Variants in DGKH observed in about 807,000 individuals in gnomAD.
DGKH encodes the protein diacylglycerol kinase eta.
A neutral mutation model predicts 159.3 loss-of-function variants in DGKH; 90 were observed. The observed-to-expected ratio is 0.57, with a 90% CI of 0.48 to 0.67. The LOEUF is 0.67. DGKH is among the 30% of genes least tolerant of loss of function. The pLI is 0.00. For missense variants in DGKH, 1,181 were observed against 1,506.1 expected (o/e 0.78, Z 3.57); for synonymous variants, 536 against 553.8 (o/e 0.97, Z 0.45).
intron 3 of DGKH, among the ~76,000 whole-genome samples, chr13:42,130,165 A>G (rs1322547058): frequency 6.6e-6 from 1 of 152,062 alleles, no homozygotes; most frequent in African/African-American, 2.4e-5. Context: ...GCATCCCCCA[A>G]CTCAGTCTTC....
At chr13:42,055,932 T>G (rs1881725079) in intron 1 of DGKH, among the ~76,000 whole-genome samples, 1 of 152,156 alleles carries the variant, frequency 6.6e-6, no homozygotes, top group Admixed American at 6.6e-5. Context: ...GTAAGGTTGC[T>G]TAATGCCAAG....
chr13:42,107,103 T>G (rs1319235979), intron 1 of DGKH, among the ~76,000 whole-genome samples: 1 of 152,228 alleles, frequency 6.6e-6, no homozygotes, highest in Admixed American at 6.5e-5. Flanking sequence ...TCTATTGCAA[T>G]TTACAAATAT....
chr13:42,165,197 C>T (rs1346868518), intron 7 of DGKH, 134 bp from the exon 8 acceptor site: 2 of 458,382 alleles, frequency 4.4e-6, no homozygotes, highest in South Asian at 1.1e-4. Flanking sequence ...AAATGTTATA[C>T]CATTTAAAGT....
intron 30 of DGKH, chr13:42,256,072 C>G: frequency 7.7e-7 from 1 of 1,296,234 alleles, no homozygotes; most frequent in Non-Finnish European, 1.1e-6. Flanking sequence ...GAGAACTGAT[C>G]TTGCCTGAAA....
chr13:42,253,248 A>T (rs1397477307), intron 30 of DGKH, among the ~76,000 whole-genome samples: 1 of 152,092 alleles, frequency 6.6e-6, no homozygotes, highest in East Asian at 1.9e-4. Context: ...TTAGGTCATG[A>T]GAATGGAGTC....
chr13:42,095,635 G>A (rs1430103015), intron 1 of DGKH, among the ~76,000 whole-genome samples: 1 of 152,012 alleles, frequency 6.6e-6, no homozygotes, highest in Non-Finnish European at 1.5e-5. Context: ...AAAAGCAAAG[G>A]AAACTCGTTC....
At chr13:42,218,421 T>A (rs1029999401) in intron 26 of DGKH, among the ~76,000 whole-genome samples, 28 of 152,062 alleles carry the variant, frequency 1.8e-4, no homozygotes, top group African/African-American at 6.8e-4. Flanking sequence ...TTCTTTAAAT[T>A]TTCAAGGAGA....
chr13:42,126,172 T>C (rs1232089092), intron 1 of DGKH, among the ~76,000 whole-genome samples: 1 of 152,202 alleles, frequency 6.6e-6, no homozygotes, highest in Non-Finnish European at 1.5e-5. Context: ...TTTTTAGATA[T>C]AATAAACTCA....
chr13:42,189,242 G>A lies in DGKH; in HGVS notation c.1845G>A (p.Arg615=), dbSNP rs751144260. Residue 615 remains arginine (R), a synonymous_variant, in exon 15 of 30, where the codon AGG becomes AGA. Transcript: ENST00000337343. ...CCTCCCAGAAAGCCGTCAAACCAAG[G>A]GAAATCATGTTGCGGGCAAATAGTT... The part of the protein sequence containing the change: ...KPSSQKAVKP[R]EIMLRANSLK... 6.2e-7 allele frequency: 1 copy of A among 1,614,108 alleles called. No homozygotes were observed. Among genetic ancestry groups the A allele is most frequent in the Non-Finnish European group, 8.5e-7 (1 of 1,180,050 alleles).
chr13:42,128,521 A>T (rs745953222), intron 2 of DGKH, among the ~76,000 whole-genome samples: 9 of 152,176 alleles, frequency 5.9e-5, no homozygotes, highest in Admixed American at 1.3e-4. Flanking sequence ...GCTATTTGAC[A>T]GCCTCCAGTT....
intron 21 of DGKH, among the ~76,000 whole-genome samples, chr13:42,207,229 G>A (rs868529879): frequency 3.6e-5 from 5 of 139,602 alleles, no homozygotes; most frequent in African/African-American, 1.1e-4. Flanking sequence ...TTACTCTGTC[G>A]CTCAGACTGG....
chr13:42,155,903 A>G, intron 5 of DGKH, 104 bp downstream of exon 5: 3 of 1,311,500 alleles, frequency 2.3e-6, no homozygotes, highest in Non-Finnish European at 2.1e-6. Context: ...CACACATAGG[A>G]CTAGCTTGGA....
chr13:42,047,406 T>C (rs955961789), upstream of DGKH, among the ~76,000 whole-genome samples: 11 of 152,222 alleles, frequency 7.2e-5, no homozygotes, highest in African/African-American at 1.9e-4. Flanking sequence ...GGAATGGTAC[T>C]GAAAGGCATG....
chr13:42,070,470 A>G, intron 1 of DGKH: 1 of 1,276,138 alleles, frequency 7.8e-7, no homozygotes, highest in Non-Finnish European at 1.1e-6. Flanking sequence ...GCTTTAGTAT[A>G]ATTATTAGGA....
At position 42,196,817 on chromosome 13, in the gene DGKH, AAAAG is replaced by A. The variant is rs775580562; in HGVS notation, c.2168-1655_2168-1652del. On this transcript the variant is annotated intron_variant, in intron 17 of 29. Coordinates refer to ENST00000337343, the MANE Select transcript of DGKH (RefSeq NM_178009.5). ...ATCAGAATAGAAATATTAAAAGAAA[AAAAG>A]AAAGATCAATCTGAAACAAACTGGT... Among the ~76,000 whole-genome samples, 10 of 152,368 alleles carry A rather than the reference AAAAG, an allele frequency of 6.6e-5. No homozygotes were observed. The East Asian group carries it at 1.5e-3, about 23-fold the overall frequency.
intron 1 of DGKH, among the ~76,000 whole-genome samples, chr13:42,088,288 T>C (rs746977083): frequency 6.6e-6 from 1 of 151,998 alleles, no homozygotes; most frequent in Non-Finnish European, 1.5e-5. Flanking sequence ...CTAGGCCAAA[T>C]AAAAATAGTA....
chr13:42,047,689 T>C (rs1880890286), upstream of DGKH, among the ~76,000 whole-genome samples: 1 of 152,166 alleles, frequency 6.6e-6, no homozygotes, highest in Non-Finnish European at 1.5e-5. Flanking sequence ...TTGTGCGCGG[T>C]GGCTACAGCC....
Position 42,194,899 on chromosome 13 carries a change from C to T in DGKH, c.2050C>T (p.Arg684Trp), listed in dbSNP as rs766095835. The change falls in exon 17 of 30, where the codon CGG (arginine) becomes TGG (tryptophan). Residue 684 changes from arginine to tryptophan, a missense_variant. By Grantham distance (101) the Arg-to-Trp change is moderately radical (BLOSUM62 -3). Around this residue, in one of 5 missense-constraint regions of DGKH, gnomAD observed 257 missense variants for 281.5 expected, o/e 0.91. Coordinates refer to ENST00000337343, the MANE Select transcript of DGKH (RefSeq NM_178009.5). Reference sequence around the variant, plus strand: ...TTTGCCAACAGTTAAAACTGCACCTCGGTCTCCAGATGCCCGGGCAAGTTA... The same window carrying T: ...TTTGCCAACAGTTAAAACTGCACCTTGGTCTCCAGATGCCCGGGCAAGTTA... ...KESITVKTAPRSPDARASYGH... is the reference protein window; with the variant it reads ...KESITVKTAPWSPDARASYGH... 9 of 1,613,652 alleles carry T rather than the reference C, an allele frequency of 5.6e-6. No individual in the cohort carries two copies. The highest frequency in any genetic ancestry group is 5.0e-5 in the Admixed American group (3 of 59,926).
At chr13:42,227,324 TC>T (rs1413255869) in intron 29 of DGKH, among the ~76,000 whole-genome samples, 2 of 152,340 alleles carry the variant, frequency 1.3e-5, no homozygotes, top group Admixed American at 6.5e-5. Context: ...AAAACATTCT[TC>T]TCATTTTATA....
Sources: allele counts gnomAD v4.1 joint callset (sites outside exome capture counted in the v4.1 genomes callset), GRCh38; gene constraint gnomAD v4.1.1; regional missense constraint gnomAD v4.1.1; transcripts MANE v1.5; gene names NCBI Gene and HGNC (gene_info 2026-07-23, HGNC 2026-07-21).